KCTD19: variants seen among roughly 807,000 people sequenced by gnomAD.
KCTD19 encodes the protein potassium channel tetramerization domain containing 19.
In KCTD19, 67 loss-of-function variants were observed where a neutral mutation model predicts 103.5. That is an observed-to-expected ratio of 0.65 (90% CI 0.53 to 0.79). The LOEUF (loss-of-function observed/expected upper bound fraction) is 0.79, where lower values mean the gene tolerates loss of function less well. Among genes scored for constraint, KCTD19 ranks in the 30% least tolerant of loss-of-function variants. The probability of loss-of-function intolerance (pLI) is 0.00; values close to 1 mark genes in which losing one functional copy is unlikely to be tolerated. For synonymous variants in KCTD19, 439 were observed against 452.2 expected, an observed-to-expected ratio of 0.97 and a Z score of 0.37; for missense variants, 980 against 1,136.1, an observed-to-expected ratio of 0.86 and a Z score of 1.98.
rs561524695 is a variant in KCTD19 at position 67,303,766 on chromosome 16, C to T, written c.452-429G>A. 9.2e-5 allele frequency among the ~76,000 whole-genome samples: 14 copies of T among 152,216 alleles called. No individual in the cohort carries two copies. The South Asian group carries it at 2.5e-3, about 27-fold the overall frequency. On this transcript the variant is annotated intron_variant, in intron 3 of 15. Transcript: ENST00000304372. The surrounding 1 kb of genome is among the most constrained non-coding windows in gnomAD (Gnocchi z 4.3). ...TTTCACCATGTTGTCAGGCTGGTCT[C>T]GAACTCCTGACCTCACGTGATCCAT...
At position 67,291,808 on chromosome 16, in the gene KCTD19, C is replaced by G. The variant is rs16957289; in HGVS notation, c.2248G>C (p.Glu750Gln). The change falls in exon 13 of 16, where the codon GAG becomes CAG. Residue 750 changes from glutamate to glutamine, a missense_variant. Glu to Gln is a conservative substitution (Grantham distance 29). Transcript: ENST00000304372. Reference sequence around the variant, plus strand: ...CCTAGGCTGTCCACCTCACTGGCCTCGGGCAGAGGCTGCTCAGGGGCAGGG... The same window carrying G: ...CCTAGGCTGTCCACCTCACTGGCCTGGGGCAGAGGCTGCTCAGGGGCAGGG... ...ESPAPEQPLP[E>Q]ASEVDSLGVI... is the part of the protein sequence containing the mutation. 5.0e-6 allele frequency: 8 copies of G among 1,610,990 alleles called. No homozygotes were observed. Among genetic ancestry groups the G allele is most frequent in the Non-Finnish European group, 5.9e-6 (7 of 1,177,994 alleles).
intron 8 of KCTD19, 123 bp from the exon 9 acceptor site, chr16:67,295,528 C>T: frequency 2.1e-6 from 2 of 931,164 alleles, no homozygotes; most frequent in Non-Finnish European, 3.2e-6. Context: ...TTCCATTTCC[C>T]TGTCTTGTCA....
chr16:67,301,975 C>T (rs545940135), intron 4 of KCTD19, 53 bp from the exon 5 acceptor site: 115 of 1,589,410 alleles, frequency 7.2e-5, no homozygotes, highest in Middle Eastern at 5.0e-4. Flanking sequence ...TCTGGTTTAG[C>T]TGTAGGTCCT....
Position 67,323,861 on chromosome 16 carries a change from T to A in KCTD19, c.3+2844A>T, listed in dbSNP as rs144952515. Among the ~76,000 whole-genome samples the A allele has an allele frequency of 2.6e-5, 4 of 151,522 alleles. No individual in the cohort carries two copies. In the East Asian group the frequency reaches 7.7e-4, roughly 29 times the overall value. On this transcript the variant is annotated intron_variant, in intron 1 of 15. Transcript: ENST00000304372. This position sits in a 1 kb window ranked among gnomAD's most constrained non-coding sequence, Gnocchi z 4.1. ...TACACATTAAAATGTGTGAATTGTA[T>A]GGTATGTGAATTATATCTCAATAGA...
chr16:67,299,567 C>T lies in KCTD19; in HGVS notation c.782G>A (p.Cys261Tyr), dbSNP rs993011169. Residue 261 changes from cysteine to tyrosine, a missense_variant, in exon 6 of 16, where the codon TGT (cysteine) becomes TAT (tyrosine). By Grantham distance (194) the Cys-to-Tyr change is radical (BLOSUM62 -2). Transcript: ENST00000304372. ...VRWYRMNMGG[C>Y]SPTTCSPLSP... ...CAGGGGAGAACAGGTGGTCGGGGAA[C>T]AGCCACCTGTGTCAGAGAGAAAGGG... The T allele has an allele frequency of 2.5e-6, 4 of 1,611,296 alleles. No individual in the cohort carries two copies. In the African/African-American group the frequency reaches 5.3e-5, roughly 22 times the overall value.
chr16:67,304,767 G>A (rs913424855), intron 2 of KCTD19, among the ~76,000 whole-genome samples, 196 bp from the exon 3 acceptor site: 1 of 151,808 alleles, frequency 6.6e-6, no homozygotes, highest in Non-Finnish European at 1.5e-5. Flanking sequence ...GGGTTCAAGC[G>A]ATTCTCCTGC....
Position 67,303,154 on chromosome 16 carries a change from C to G in KCTD19, c.635G>C (p.Arg212Pro). The G allele has an allele frequency of 7.4e-7, 1 of 1,359,226 alleles. No homozygotes were observed. 84.2% of individuals were successfully genotyped at this position (1,359,226 alleles called of 1,614,324 possible). A position where few individuals can be genotyped will look rare whatever the true frequency, so the allele number is the denominator to read the frequency against. The stretch of plus-strand genomic sequence containing the variant: ...CCGGACAGAGCAATCACCAATGAAG[C>G]GGAACTCGCTGCACTCGCACTCGAT... ...ALIECECSEF[R>P]FIVNFLRSQK... The change falls in exon 4 of 16, where the codon CGC becomes CCC. Residue 212 changes from arginine (R) to proline (P), a missense_variant. By Grantham distance (103) the Arg-to-Pro change is moderately radical (BLOSUM62 -2). Coordinates refer to ENST00000304372, the MANE Select transcript of KCTD19 (RefSeq NM_001100915.3). The surrounding 1 kb of genome is among the most constrained non-coding windows in gnomAD (Gnocchi z 4.3).
chr16:67,290,567 G>C (rs1418524357), intron 15 of KCTD19, among the ~76,000 whole-genome samples: 2 of 152,196 alleles, frequency 1.3e-5, no homozygotes, highest in Non-Finnish European at 2.9e-5. Context: ...ATCACTGGTT[G>C]AAAAGGCCTC....
At chr16:67,294,872 A>C in intron 10 of KCTD19, 101 bp downstream of exon 10, 4 of 1,091,166 alleles carry the variant, frequency 3.7e-6, no homozygotes, top group Non-Finnish European at 5.6e-6. Flanking sequence ...CCTCAACCCC[A>C]AGGAGATCAG....
intron 12 of KCTD19, among the ~76,000 whole-genome samples, chr16:67,292,124 C>G (rs1477039535): frequency 6.6e-6 from 1 of 152,226 alleles, no homozygotes; most frequent in Non-Finnish European, 1.5e-5. Context: ...CTCAGCCTCC[C>G]AAAGTGCTGG....
rs1461845938 is a variant in KCTD19, at chr16:67,303,602, C to T, written c.452-265G>A. 1.3e-5 allele frequency among the ~76,000 whole-genome samples: 2 copies of T among 152,032 alleles called. No individual in the cohort carries two copies. Among genetic ancestry groups the T allele is most frequent in the Non-Finnish European group, 2.9e-5 (2 of 68,010 alleles). On this transcript the variant is annotated intron_variant, in intron 3 of 15. Coordinates refer to ENST00000304372, the MANE Select transcript of KCTD19 (RefSeq NM_001100915.3). The surrounding 1 kb of genome is among the most constrained non-coding windows in gnomAD (Gnocchi z 4.3). Reference sequence around the variant, plus strand: ...TCACTCTGTTGCCCAGGCTGGAATTCAGTGGTGCCATCTTGGCTCACTGCA... The same window carrying T: ...TCACTCTGTTGCCCAGGCTGGAATTTAGTGGTGCCATCTTGGCTCACTGCA...
At position 67,314,834 on chromosome 16, in the gene KCTD19, G is replaced by T. The variant is rs867686926; in HGVS notation, c.300+5755C>A. Among the ~76,000 whole-genome samples the T allele has an allele frequency of 8.3e-3, 825 of 99,810 alleles. 3 individuals carry two copies. The highest frequency in any genetic ancestry group is 0.018 in the African/African-American group (321 of 17,456). 65.5% of individuals were successfully genotyped at this position (99,810 alleles called of 152,430 possible). ...ATATATATATATATATATATATAGA[G>T]AGAGAGAGAGAGAGAGAGAGAGAGA... is the stretch of plus-strand genomic sequence containing the variant. On this transcript the variant is annotated intron_variant, in intron 2 of 15. Transcript: ENST00000304372.
At position 67,320,021 on chromosome 16, in the gene KCTD19, T is replaced by G. The variant is rs1490030457; in HGVS notation, c.300+568A>C. Among the ~76,000 whole-genome samples, 1 of 152,242 alleles carries G rather than the reference T, an allele frequency of 6.6e-6. No individual in the cohort carries two copies. The highest frequency in any genetic ancestry group is 6.5e-5 in the Admixed American group (1 of 15,282). On this transcript the variant is annotated intron_variant, in intron 2 of 15. Coordinates refer to ENST00000304372, the MANE Select transcript of KCTD19 (RefSeq NM_001100915.3). The surrounding 1 kb of genome is among the most constrained non-coding windows in gnomAD (Gnocchi z 4.0). ...TCAAGAGCCAGGGGCACCCTCTCAG[T>G]GGATAGTAAATCCCATTCTGGGTCC...
chr16:67,304,397 G>T (rs377570825), intron 3 of KCTD19, 24 bp downstream of exon 3: 21 of 1,612,268 alleles, frequency 1.3e-5, no homozygotes, highest in Non-Finnish European at 1.8e-5. Flanking sequence ...GGGCTTTAGG[G>T]AGGGACAGCC....
rs554171117 is a variant in KCTD19 at position 67,317,339 on chromosome 16, C to T, written c.300+3250G>A. ...ACTAAAAATATAAAAATTAGCTGGG[C>T]GTGGTGCTGCACACCTGTAATCCTA... On this transcript the variant is annotated intron_variant, in intron 2 of 15. Transcript: ENST00000304372. Among the ~76,000 whole-genome samples, 13 of 152,048 alleles carry T rather than the reference C, an allele frequency of 8.5e-5. No individual in the cohort carries two copies. The South Asian group carries it at 2.5e-3, about 29-fold the overall frequency.
intron 7 of KCTD19, 83 bp downstream of exon 7, chr16:67,297,420 G>A (rs753517592): frequency 2.8e-5 from 39 of 1,379,674 alleles, no homozygotes; most frequent in South Asian, 1.5e-4. Context: ...ACAGTTCCTC[G>A]TCCTGGCCAC....
Position 67,320,880 on chromosome 16 carries a change from C to A in KCTD19, c.9G>T (p.Glu3Asp). The change falls in exon 2 of 16, where the codon GAG becomes GAT. Residue 3 changes from glutamate to aspartate, a missense_variant. Glu to Asp is a conservative substitution (Grantham distance 45, BLOSUM62 2). Coordinates refer to ENST00000304372, the MANE Select transcript of KCTD19 (RefSeq NM_001100915.3). This position sits in a 1 kb window ranked among gnomAD's most constrained non-coding sequence, Gnocchi z 4.0. ME[E>D]SGMAHESAED... ...CTGCTGATTCATGAGCCATGCCAGA[C>A]TCCTCCTAAAGGGGGAATGAAAAAG... 3 of 1,610,902 alleles carry A rather than the reference C, an allele frequency of 1.9e-6. No individual in the cohort carries two copies. Among genetic ancestry groups the A allele is most frequent in the Non-Finnish European group, 2.5e-6 (3 of 1,178,620 alleles).
In KCTD19 at chr16:67,314,863, A is replaced by AGC. The variant is rs1567453798; in HGVS notation, c.300+5725_300+5726insGC. 3.5e-5 allele frequency among the ~76,000 whole-genome samples: 5 copies of AGC among 144,460 alleles called. No homozygotes were observed. The East Asian group carries it at 9.8e-4, about 28-fold the overall frequency. 94.8% of individuals were successfully genotyped at this position (144,460 alleles called of 152,430 possible). Reference sequence around the variant, plus strand: ...GAGAGAGAGAGAGAGAGAGAGAGAGAGAGAGAGAGAGGGGAAGGGTCTTGC... The same window carrying AGC: ...GAGAGAGAGAGAGAGAGAGAGAGAGAGCGAGAGAGAGAGGGGAAGGGTCTTGC... On this transcript the variant is annotated intron_variant, in intron 2 of 15. Transcript: ENST00000304372.
At chr16:67,314,453 C>G (rs184394229) in intron 2 of KCTD19, among the ~76,000 whole-genome samples, 1 of 152,090 alleles carries the variant, frequency 6.6e-6, no homozygotes, top group African/African-American at 2.4e-5. Flanking sequence ...CTCACTCACC[C>G]ATCCTTCCTA....
Sources: gnomAD v4.1 joint callset for allele counts (sites outside exome capture counted in the v4.1 genomes callset) on GRCh38, gnomAD v4.1.1 for gene constraint, Gnocchi (gnomAD v3.1) non-coding constraint, MANE v1.5 for transcripts, NCBI Gene and HGNC (gene_info 2026-07-23, HGNC 2026-07-21) for gene names.